Variants in DMXL1 observed in about 807,000 individuals in gnomAD.
DMXL1 encodes dmX-like protein 1.
Under a neutral mutation model 319.2 loss-of-function variants are expected in DMXL1, and 99 were observed. The ratio of observed to expected loss-of-function variants is 0.31; its 90% CI spans 0.26 to 0.37. The LOEUF (loss-of-function observed/expected upper bound fraction) is 0.37, where lower values mean the gene tolerates loss of function less well. Among genes scored for constraint, DMXL1 ranks in the 10% least tolerant of loss-of-function variants. The probability of loss-of-function intolerance (pLI) is 1.00; values close to 1 mark genes in which losing one functional copy is unlikely to be tolerated. For synonymous variants in DMXL1, 1,385 were observed against 1,235.2 expected (o/e 1.12, Z -2.54); for missense variants, 3,745 against 3,595.6 (o/e 1.04, Z -1.06).
Position 119,177,406 on chromosome 5 carries a change from C to T in DMXL1, c.6808C>T (p.Leu2270Phe). The T allele has an allele frequency of 1.2e-6, 2 of 1,608,566 alleles. No individual in the cohort carries two copies. The highest frequency in any genetic ancestry group is 1.3e-5 in the African/African-American group (1 of 74,924). ...FTGMVYQTVL[L>F]PHRPSLKTGS... The stretch of plus-strand genomic sequence containing the variant: ...TGGAATGGTATATCAGACAGTACTG[C>T]TTCCTCATCGACCTTCTTTGAAAAC... Residue 2270 changes from leucine (L) to phenylalanine (F), a missense_variant, in exon 27 of 44, where the codon CTT becomes TTT. Coordinates refer to ENST00000539542, the MANE Select transcript of DMXL1 (RefSeq NM_001290321.3).
intron 2 of DMXL1, among the ~76,000 whole-genome samples, chr5:119,101,665 A>G (rs1405265993): frequency 6.6e-6 from 1 of 152,178 alleles, no homozygotes; most frequent in Non-Finnish European, 1.5e-5. Flanking sequence ...TTCAACCCTC[A>G]ATGCTGTTAG....
chr5:119,178,358 C>T (rs917064659), intron 28 of DMXL1, 114 bp downstream of exon 28: 51 of 1,216,518 alleles, frequency 4.2e-5, no homozygotes, highest in African/African-American at 6.1e-5. Context: ...AGACCATTTG[C>T]GAAAAGCATA....
chr5:119,091,754 G>T (rs1390800031), intron 1 of DMXL1, among the ~76,000 whole-genome samples: 1 of 152,132 alleles, frequency 6.6e-6, no homozygotes, highest in African/African-American at 2.4e-5. Flanking sequence ...CAGCAGAGGG[G>T]GAATGCTGGC....
chr5:119,208,556 G>A (rs1782161400), intron 34 of DMXL1, among the ~76,000 whole-genome samples: 1 of 152,172 alleles, frequency 6.6e-6, no homozygotes, highest in East Asian at 1.9e-4. Context: ...TTTTGATGCT[G>A]TTTATAAAAT....
chr5:119,080,809 T>G (rs1366371402), intron 1 of DMXL1, among the ~76,000 whole-genome samples: 1 of 152,200 alleles, frequency 6.6e-6, no homozygotes, highest in African/African-American at 2.4e-5. Context: ...CTGTAATAGC[T>G]GCCTCCCTAA....
chr5:119,223,768 C>T (rs17144994), intron 37 of DMXL1, among the ~76,000 whole-genome samples: 4,202 of 151,726 alleles, frequency 0.028, 183 homozygotes, highest in African/African-American at 0.096. Context: ...ACGTATGGTT[C>T]TCCTGTGAAT....
At chr5:119,114,582 G>T (rs1183684273) in intron 6 of DMXL1, 41 bp downstream of exon 6, 1 of 1,367,462 alleles carries the variant, frequency 7.3e-7, no homozygotes. Context: ...TGTGTTTATA[G>T]TTTACTTTGA....
At chr5:119,196,514 TG>T (rs1177083613) in intron 31 of DMXL1, 58 bp downstream of exon 31, 441 of 1,109,848 alleles carry the variant, frequency 4.0e-4, no homozygotes, top group Non-Finnish European at 4.2e-4. Flanking sequence ...ACTACTCTGT[TG>T]TTTTTTTTTT....
rs149438809 is a variant in DMXL1, at chr5:119,220,553, T to A, written c.8095T>A (p.Tyr2699Asn). Reference sequence around the variant, plus strand: ...TTCTGGAATTCTGGCCACACAGGTCTACACTTGGGTAGATGATGATATAGA... The same window carrying A: ...TTCTGGAATTCTGGCCACACAGGTCAACACTTGGGTAGATGATGATATAGA... ...DVSGILATQV[Y>N]TWVDDDIEVE... The change falls in exon 36 of 44, where the codon TAC (tyrosine) becomes AAC (asparagine). Residue 2699 changes from tyrosine (Y) to asparagine (N), a missense_variant. Transcript: ENST00000539542. The A allele has an allele frequency of 4.5e-5, 73 of 1,613,862 alleles. No homozygotes were observed. Among genetic ancestry groups the A allele is most frequent in the Non-Finnish European group, 5.6e-5 (66 of 1,179,908 alleles).
At chr5:119,176,800 C>CA (rs1775887017) in intron 26 of DMXL1, among the ~76,000 whole-genome samples, 1 of 152,014 alleles carries the variant, frequency 6.6e-6, no homozygotes, top group Admixed American at 6.6e-5. Context: ...CTTAGCTTTG[C>CA]ATCTTTTACT....
At chr5:119,138,059 A>G (rs1766425218) in intron 13 of DMXL1, among the ~76,000 whole-genome samples, 1 of 152,220 alleles carries the variant, frequency 6.6e-6, no homozygotes. Context: ...TGGTGGCTAT[A>G]TAGATTAGAC....
In DMXL1 at chr5:119,247,214, C is replaced by G. The variant is rs772649890; in HGVS notation, c.9142C>G (p.Leu3048Val). Residue 3048 changes from leucine (L) to valine (V), a missense_variant, in exon 44 of 44, where the codon CTA becomes GTA. Coordinates refer to ENST00000539542, the MANE Select transcript of DMXL1 (RefSeq NM_001290321.3). Reference sequence around the variant, plus strand: ...GTTGAAAAATGATGTGAAATTTATGCTATAACATTTTTACAATAAGATGTA... The same window carrying G: ...GTTGAAAAATGATGTGAAATTTATGGTATAACATTTTTACAATAAGATGTA... Reference protein sequence around the residue: ...EVLKNDVKFML With the variant: ...EVLKNDVKFMV The G allele has an allele frequency of 6.2e-7, 1 of 1,606,024 alleles. No individual in the cohort carries two copies. Among genetic ancestry groups the G allele is most frequent in the Non-Finnish European group, 8.5e-7 (1 of 1,173,492 alleles).
chr5:119,191,879 C>T (rs1030019136), intron 29 of DMXL1, among the ~76,000 whole-genome samples: 3 of 152,222 alleles, frequency 2.0e-5, no homozygotes, highest in Non-Finnish European at 2.9e-5. Flanking sequence ...TTACCCAGAT[C>T]AGATCCCATA....
At chr5:119,214,499 A>G (rs531960646) in intron 34 of DMXL1, among the ~76,000 whole-genome samples, 1 of 152,218 alleles carries the variant, frequency 6.6e-6, no homozygotes, top group East Asian at 1.9e-4. Context: ...TGAACTCTTT[A>G]TTATGTCTTT....
intron 1 of DMXL1, among the ~76,000 whole-genome samples, chr5:119,090,680 A>C (rs1754588565): frequency 6.7e-6 from 1 of 150,300 alleles, no homozygotes; most frequent in African/African-American, 2.5e-5. Context: ...CTCCTGCCTC[A>C]GCCTCCCAAG....
intron 23 of DMXL1, among the ~76,000 whole-genome samples, chr5:119,168,283 T>C (rs1581126445): frequency 6.6e-6 from 1 of 152,226 alleles, no homozygotes; most frequent in South Asian, 2.1e-4. Flanking sequence ...GATGAACTTT[T>C]GACTGTCTTG....
chr5:119,164,417 A>G (rs1772980516), intron 19 of DMXL1, 90 bp from the exon 20 acceptor site: 1 of 1,205,968 alleles, frequency 8.3e-7, no homozygotes, highest in Non-Finnish European at 1.1e-6. Flanking sequence ...AAGTTTACAC[A>G]TTTATATTGA....
At chr5:119,233,234 T>A in intron 38 of DMXL1, 106 bp from the exon 39 acceptor site, 1 of 1,138,580 alleles carries the variant, frequency 8.8e-7, no homozygotes, top group East Asian at 2.4e-5. Flanking sequence ...TTTATATAAG[T>A]TGATTTAGAT....
At chr5:119,125,575 T>C (rs377400785) in intron 9 of DMXL1, among the ~76,000 whole-genome samples, 1 of 152,178 alleles carries the variant, frequency 6.6e-6, no homozygotes, top group Non-Finnish European at 1.5e-5. Context: ...ATTATTGTTA[T>C]TATTTTTGAG....
Sources: gnomAD v4.1 joint callset for allele counts (sites outside exome capture counted in the v4.1 genomes callset) on GRCh38, gnomAD v4.1.1 for gene constraint, MANE v1.5 for transcripts, NCBI Gene and HGNC (gene_info 2026-07-23, HGNC 2026-07-21) for gene names.